Variants in CNTNAP2 observed in about 807,000 individuals in gnomAD.
CNTNAP2 encodes the protein contactin-associated protein-like 2.
In CNTNAP2, 98 loss-of-function variants were observed where a neutral mutation model predicts 155.2. The ratio of observed to expected loss-of-function variants is 0.63; its 90% CI spans 0.54 to 0.75. The LOEUF (loss-of-function observed/expected upper bound fraction) is 0.75. CNTNAP2 is among the 30% of genes least tolerant of loss of function. CNTNAP2 has a pLI of 0.00. For synonymous variants in CNTNAP2, 651 were observed against 631.2 expected (o/e 1.03, Z -0.47); for missense variants, 1,727 against 1,688.1 (o/e 1.02, Z -0.40).
chr7:147,266,424 T>C (rs1205822074), intron 8 of CNTNAP2, among the ~76,000 whole-genome samples: 2 of 152,210 alleles, frequency 1.3e-5, no homozygotes, highest in East Asian at 3.9e-4. Flanking sequence ...CCCTTTGTGG[T>C]GTATCAGCCT....
At chr7:147,294,259 TTA>T (rs1228585747) in intron 8 of CNTNAP2, among the ~76,000 whole-genome samples, 1 of 152,240 alleles carries the variant, frequency 6.6e-6, no homozygotes, top group Non-Finnish European at 1.5e-5. Context: ...TCAATAATAT[TTA>T]TGTGTTTTTC....
intron 18 of CNTNAP2, chr7:148,189,997 A>G (rs1346165377): frequency 6.6e-6 from 1 of 152,326 alleles, no homozygotes; most frequent in East Asian, 1.9e-4. Flanking sequence ...GGCTGCCACA[A>G]AAGCTCTCCT....
chr7:148,065,356 G>T (rs1029468429), intron 15 of CNTNAP2, among the ~76,000 whole-genome samples: 3 of 152,102 alleles, frequency 2.0e-5, no homozygotes, highest in African/African-American at 4.8e-5. Flanking sequence ...TTGACTTTCT[G>T]TCTTGATATC....
At chr7:146,694,042 T>G (rs1055618280) in intron 1 of CNTNAP2, among the ~76,000 whole-genome samples, 7 of 152,170 alleles carry the variant, frequency 4.6e-5, no homozygotes, top group African/African-American at 1.7e-4. Flanking sequence ...AAAGTATGAA[T>G]ATTTGCTTCC....
intron 1 of CNTNAP2, among the ~76,000 whole-genome samples, chr7:146,712,394 TAAATA>T (rs1348703236): frequency 1.6e-5 from 1 of 62,874 alleles, no homozygotes. Context: ...ACTATATATA[TAAATA>T]AAATAAAAAA....
intron 10 of CNTNAP2, among the ~76,000 whole-genome samples, chr7:147,464,883 A>G (rs566872134): frequency 3.1e-4 from 47 of 152,332 alleles, no homozygotes; most frequent in African/African-American, 1.1e-3. Flanking sequence ...TGTGTAAACA[A>G]TCTTCATGGC....
intron 3 of CNTNAP2, among the ~76,000 whole-genome samples, chr7:147,022,123 G>T (rs1024020558): frequency 6.6e-6 from 1 of 151,980 alleles, no homozygotes; most frequent in Non-Finnish European, 1.5e-5. Flanking sequence ...GTTGCAGATT[G>T]TTGACCAGAA....
At chr7:146,286,079 T>C (rs1433300779) in intron 1 of CNTNAP2, among the ~76,000 whole-genome samples, 6 of 135,092 alleles carry the variant, frequency 4.4e-5, no homozygotes, top group Non-Finnish European at 9.4e-5. Context: ...AGGCAGTTGG[T>C]TTATAGGGGG....
chr7:146,494,829 AT>A (rs1162946353), intron 1 of CNTNAP2, among the ~76,000 whole-genome samples: 1 of 152,194 alleles, frequency 6.6e-6, no homozygotes, highest in Non-Finnish European at 1.5e-5. Flanking sequence ...ATTTGTTTTT[AT>A]TTTCCCTTCA....
intron 2 of CNTNAP2, among the ~76,000 whole-genome samples, chr7:146,801,469 A>C (rs1158780609): frequency 6.6e-6 from 1 of 152,206 alleles, no homozygotes; most frequent in African/African-American, 2.4e-5. Context: ...GTTCCATGGA[A>C]TTATTAAACT....
intron 1 of CNTNAP2, among the ~76,000 whole-genome samples, chr7:146,613,835 T>C (rs1799180575): frequency 2.3e-5 from 1 of 42,608 alleles, no homozygotes; most frequent in East Asian, 2.7e-4. Context: ...TTCTTTCAGC[T>C]TTTCTTTCAC....
chr7:147,920,467 G>A (rs996343031), intron 14 of CNTNAP2, among the ~76,000 whole-genome samples: 1 of 152,082 alleles, frequency 6.6e-6, no homozygotes, highest in African/African-American at 2.4e-5. Flanking sequence ...CCTACGAAGA[G>A]GATGTGCAGG....
intron 1 of CNTNAP2, among the ~76,000 whole-genome samples, chr7:146,417,596 C>G (rs1584915717): frequency 6.6e-6 from 1 of 151,912 alleles, no homozygotes; most frequent in Non-Finnish European, 1.5e-5. Flanking sequence ...TGGCTATTAG[C>G]AAGATAATCT....
At chr7:146,648,109 C>T (rs1799846113) in intron 1 of CNTNAP2, among the ~76,000 whole-genome samples, 1 of 152,152 alleles carries the variant, frequency 6.6e-6, no homozygotes, top group Non-Finnish European at 1.5e-5. Context: ...GGACAAACCT[C>T]TCTCATAAAA....
At chr7:148,179,678 G>GA (rs965292065) in intron 18 of CNTNAP2, among the ~76,000 whole-genome samples, 1 of 150,232 alleles carries the variant, frequency 6.7e-6, no homozygotes, top group African/African-American at 2.5e-5. Context: ...AGAGAGAAGA[G>GA]AAAGAAAGGG....
chr7:147,231,151 A>G (rs1007858004), intron 8 of CNTNAP2, among the ~76,000 whole-genome samples: 1 of 152,236 alleles, frequency 6.6e-6, no homozygotes, highest in African/African-American at 2.4e-5. Flanking sequence ...CATGGGGGAT[A>G]CCGTCTTCAC....
At chr7:148,028,544 T>C (rs1025478929) in intron 15 of CNTNAP2, among the ~76,000 whole-genome samples, 2 of 152,198 alleles carry the variant, frequency 1.3e-5, no homozygotes, top group African/African-American at 4.8e-5. Context: ...TCGCTGCCTT[T>C]CAGCCTGGGT....
chr7:146,981,471 T>C (rs977134521), intron 3 of CNTNAP2, among the ~76,000 whole-genome samples: 1 of 152,220 alleles, frequency 6.6e-6, no homozygotes, highest in African/African-American at 2.4e-5. Context: ...ACTGTGCTGC[T>C]GATTGGATTG....
At chr7:146,406,514 A>G (rs1795794432) in intron 1 of CNTNAP2, among the ~76,000 whole-genome samples, 1 of 152,232 alleles carries the variant, frequency 6.6e-6, no homozygotes, top group Non-Finnish European at 1.5e-5. Context: ...AATAAATCAA[A>G]GCACGTAGAA....
Sources: gnomAD v4.1 joint callset for allele counts (sites outside exome capture counted in the v4.1 genomes callset) on GRCh38, gnomAD v4.1.1 for gene constraint, MANE v1.5 for transcripts, NCBI Gene and HGNC (gene_info 2026-07-23, HGNC 2026-07-21) for gene names.